KCNK5: variants seen among roughly 807,000 people sequenced by gnomAD.
KCNK5 encodes the protein potassium two pore domain channel subfamily K member 5.
KCNK5 carries 18 observed loss-of-function variants against 32.9 expected under a neutral mutation model. The ratio of observed to expected loss-of-function variants is 0.55; its 90% confidence interval spans 0.38 to 0.81. KCNK5 has a LOEUF of 0.81. KCNK5 is among the 30% of genes least tolerant of loss of function. KCNK5 has a pLI of 0.00. For synonymous variants in KCNK5, 276 were observed against 275.3 expected (o/e 1.00, Z -0.03); for missense variants, 507 against 651.0 (o/e 0.78, Z 2.41).
rs878858348 is a variant in KCNK5, at chr6:39,189,742, G to A, written c.*1148C>T. On this transcript the variant is annotated 3_prime_UTR_variant, in exon 5 of 5. Coordinates refer to ENST00000359534, the MANE Select transcript of KCNK5 (RefSeq NM_003740.4). ...CCTTTCCTTTCTTAAACACACACGA[G>A]TGCACAGGTGTGCGTGTGCACACAC... 1 of 152,716 alleles carries A rather than the reference G, an allele frequency of 6.5e-6. No homozygotes were observed. The highest frequency in any genetic ancestry group is 6.5e-5 in the Admixed American group (1 of 15,300). 9.5% of individuals were successfully genotyped at this position (152,716 alleles called of 1,614,324 possible). A position where few individuals can be genotyped will look rare whatever the true frequency, so the allele number is the denominator to read the frequency against.
At position 39,194,280 on chromosome 6, in the gene KCNK5, G is replaced by C. The variant is rs1425181351; in HGVS notation, c.523C>G (p.Leu175Val). Reference protein sequence around the residue: ...IFIVWGVLVHLVIPPFVFMVT... With the variant: ...IFIVWGVLVHVVIPPFVFMVT... ...ATGAATACGAAGGGTGGGATCACCA[G>C]GTGGACTAGGACGCCCCACACGATG... is the stretch of plus-strand genomic sequence containing the variant. Residue 175 changes from leucine (L) to valine (V), a missense_variant, in exon 4 of 5, where the codon CTG becomes GTG. By Grantham distance (32) the Leu-to-Val change is conservative. Coordinates refer to ENST00000359534, the MANE Select transcript of KCNK5 (RefSeq NM_003740.4). This position sits in a 1 kb window ranked among gnomAD's most constrained non-coding sequence, Gnocchi z 4.7. 9 of 1,614,102 alleles carry C rather than the reference G, an allele frequency of 5.6e-6. No homozygotes were observed. The highest frequency in any genetic ancestry group is 6.8e-6 in the Non-Finnish European group (8 of 1,179,974).
intron 1 of KCNK5, among the ~76,000 whole-genome samples, chr6:39,214,781 G>A (rs1222430460): frequency 6.6e-6 from 1 of 152,102 alleles, no homozygotes; most frequent in African/African-American, 2.4e-5. Flanking sequence ...CCAGGGTCAG[G>A]GGAGCCACCT....
chr6:39,203,158 T>C (rs950990665), intron 1 of KCNK5, among the ~76,000 whole-genome samples: 7 of 152,184 alleles, frequency 4.6e-5, no homozygotes, highest in Admixed American at 2.0e-4. Context: ...TCAAGCCCTG[T>C]GCCTGGAAGA....
intron 1 of KCNK5, among the ~76,000 whole-genome samples, chr6:39,202,638 G>A (rs1021526438): frequency 8.5e-5 from 13 of 152,198 alleles, no homozygotes; most frequent in African/African-American, 3.1e-4. Flanking sequence ...CCGAGAGCAG[G>A]CAAAGGAACA....
intron 1 of KCNK5, among the ~76,000 whole-genome samples, chr6:39,222,252 GA>G (rs1351611448): frequency 2.0e-5 from 3 of 152,200 alleles, no homozygotes; most frequent in Non-Finnish European, 4.4e-5. Context: ...AGTAGGAAAA[GA>G]ACTAGAGTGT....
At chr6:39,227,395 G>A (rs1771693262) in intron 1 of KCNK5, among the ~76,000 whole-genome samples, 1 of 151,982 alleles carries the variant, frequency 6.6e-6, no homozygotes, top group Non-Finnish European at 1.5e-5. Context: ...CACCCCCCAG[G>A]GTAGACGCCC....
chr6:39,221,748 C>A (rs1007502934), intron 1 of KCNK5, among the ~76,000 whole-genome samples: 1 of 152,146 alleles, frequency 6.6e-6, no homozygotes, highest in Non-Finnish European at 1.5e-5. Context: ...TTGTTTGGAG[C>A]CAGGTCTTCC....
chr6:39,198,326 A>G (rs1771063911), intron 1 of KCNK5, among the ~76,000 whole-genome samples: 1 of 152,224 alleles, frequency 6.6e-6, no homozygotes. Flanking sequence ...ATCATGCTTA[A>G]GGCCTGGTTT....
chr6:39,198,073 T>A (rs922649211), intron 1 of KCNK5, among the ~76,000 whole-genome samples: 1 of 152,214 alleles, frequency 6.6e-6, no homozygotes, highest in Non-Finnish European at 1.5e-5. Flanking sequence ...TAGCACAGAT[T>A]CACCCAGAAC....
At chr6:39,222,608 A>G (rs546923271) in intron 1 of KCNK5, among the ~76,000 whole-genome samples, 3 of 152,308 alleles carry the variant, frequency 2.0e-5, no homozygotes, top group Admixed American at 2.0e-4. Flanking sequence ...TCCATCCTGC[A>G]GAACACCTCC....
intron 1 of KCNK5, among the ~76,000 whole-genome samples, chr6:39,200,590 A>C (rs1771119337): frequency 6.6e-6 from 1 of 152,182 alleles, no homozygotes; most frequent in Non-Finnish European, 1.5e-5. Flanking sequence ...TCCTGTCCCC[A>C]TAAAGGCCAC....
intron 1 of KCNK5, among the ~76,000 whole-genome samples, chr6:39,219,426 G>A (rs758919261): frequency 7.2e-5 from 11 of 152,122 alleles, no homozygotes; most frequent in Non-Finnish European, 1.0e-4. Flanking sequence ...TGTGCTCAAG[G>A]CCTCACAATT....
intron 1 of KCNK5, among the ~76,000 whole-genome samples, chr6:39,209,171 G>A (rs1771282330): frequency 1.3e-5 from 2 of 152,154 alleles, no homozygotes; most frequent in Non-Finnish European, 2.9e-5. Context: ...CCACACATCA[G>A]TTACCCCAGG....
At chr6:39,203,142 G>A (rs1359099894) in intron 1 of KCNK5, among the ~76,000 whole-genome samples, 2 of 152,168 alleles carry the variant, frequency 1.3e-5, no homozygotes, top group Admixed American at 1.3e-4. Flanking sequence ...AGAAGGACTA[G>A]GGATTTCAAG....
intron 1 of KCNK5, among the ~76,000 whole-genome samples, chr6:39,220,066 A>C (rs1771510909): frequency 6.6e-6 from 1 of 152,160 alleles, no homozygotes; most frequent in Non-Finnish European, 1.5e-5. Context: ...GCACAGAAGC[A>C]CTCAGACAAA....
chr6:39,196,589 C>T (rs1409539794), intron 1 of KCNK5, among the ~76,000 whole-genome samples: 1 of 152,196 alleles, frequency 6.6e-6, no homozygotes, highest in East Asian at 1.9e-4. Context: ...CAGCTCAGTG[C>T]CCTGTTGACT....
intron 1 of KCNK5, among the ~76,000 whole-genome samples, chr6:39,206,104 G>A (rs1771221134): frequency 6.6e-6 from 1 of 152,168 alleles, no homozygotes; most frequent in Non-Finnish European, 1.5e-5. Context: ...TAGAAAGATG[G>A]TGAAGCCAAA....
chr6:39,197,036 C>T (rs1053822157), intron 1 of KCNK5, among the ~76,000 whole-genome samples: 2 of 152,116 alleles, frequency 1.3e-5, no homozygotes, highest in Non-Finnish European at 2.9e-5. Flanking sequence ...CCAGAAGTCA[C>T]ATAAGAAGGG....
At position 39,191,640 on chromosome 6, in the gene KCNK5, C is replaced by A; in HGVS notation, c.750G>T (p.Val250=). The change falls in exon 5 of 5, where the codon GTG becomes GTT. Residue 250 remains valine, a synonymous_variant. Transcript: ENST00000359534. This position sits in a 1 kb window ranked among gnomAD's most constrained non-coding sequence, Gnocchi z 5.8. ...LFVNWKVSMF[V]EVHKAIKKRR... Reference sequence around the variant, plus strand: ...GCTTCTTAATGGCTTTGTGGACTTCCACAAACATGCTCACCTTCCAGTTGA... The same window carrying A: ...GCTTCTTAATGGCTTTGTGGACTTCAACAAACATGCTCACCTTCCAGTTGA... The A allele has an allele frequency of 6.2e-7, 1 of 1,614,012 alleles. No homozygotes were observed. Among genetic ancestry groups the A allele is most frequent in the Non-Finnish European group, 8.5e-7 (1 of 1,180,010 alleles).
Sources: gnomAD v4.1 joint callset for allele counts (sites outside exome capture counted in the v4.1 genomes callset) on GRCh38, gnomAD v4.1.1 for gene constraint, Gnocchi (gnomAD v3.1) non-coding constraint, MANE v1.5 for transcripts, NCBI Gene and HGNC (gene_info 2026-07-23, HGNC 2026-07-21) for gene names.